Variants in PPIL4 observed in about 807,000 individuals in gnomAD.
The protein encoded by PPIL4 is peptidylprolyl isomerase like 4.
In PPIL4, 50 loss-of-function variants were observed where a neutral mutation model predicts 69.1. The observed-to-expected ratio is 0.72, with a 90% CI of 0.58 to 0.92. The LOEUF is 0.92. Ranked by LOEUF, PPIL4 falls within the 40% of genes least tolerant of loss-of-function variation. PPIL4 has a pLI of 0.00. For missense variants in PPIL4, 480 were observed against 587.9 expected, an observed-to-expected ratio of 0.82 and a Z score of 1.90; for synonymous variants, 193 against 191.6, an observed-to-expected ratio of 1.01 and a Z score of -0.06.
chr6:149,523,835 A>G (rs1468958140), intron 9 of PPIL4, among the ~76,000 whole-genome samples: 2 of 152,250 alleles, frequency 1.3e-5, no homozygotes, highest in African/African-American at 4.8e-5. Context: ...CAATGATAGA[A>G]TGCTAGTGCA....
chr6:149,527,816 A>G (rs1777130654), intron 7 of PPIL4, among the ~76,000 whole-genome samples: 1 of 152,208 alleles, frequency 6.6e-6, no homozygotes, highest in African/African-American at 2.4e-5. Context: ...ATTATTTCTG[A>G]TAAGATCACC....
chr6:149,512,236 A>G lies in PPIL4; in HGVS notation c.1146T>C (p.Ser382=), dbSNP rs1460123450. The G allele has an allele frequency of 1.2e-6, 2 of 1,613,106 alleles. No homozygotes were observed. The change falls in exon 12 of 13, where the codon AGT becomes AGC. Residue 382 remains serine (S), a synonymous_variant. Coordinates refer to ENST00000253329, the MANE Select transcript of PPIL4 (RefSeq NM_139126.4). ...GATGGGTTTTCTTCTTGTGTTTTTT[A>G]CTTGTGTGTGAGTGACTTGATTTTG... is the stretch of plus-strand genomic sequence containing the variant. ...EDSKSSHSHT[S]KKHKKKTHHC...
chr6:149,514,891 C>A (rs1562257089), intron 11 of PPIL4, among the ~76,000 whole-genome samples: 1 of 151,070 alleles, frequency 6.6e-6, no homozygotes, highest in Non-Finnish European at 1.5e-5. Flanking sequence ...GGCTGGAGTA[C>A]AATGGCGCGA....
chr6:149,541,470 G>A, intron 2 of PPIL4, 39 bp from the exon 3 acceptor site: 4 of 1,532,094 alleles, frequency 2.6e-6, no homozygotes, highest in Non-Finnish European at 3.6e-6. Context: ...CACAGAGTTT[G>A]TTAGATAGTT....
chr6:149,529,239 C>A (rs1411146145), intron 7 of PPIL4, among the ~76,000 whole-genome samples: 4 of 147,224 alleles, frequency 2.7e-5, no homozygotes, highest in Admixed American at 6.8e-5. Flanking sequence ...AAAAAAAAAA[C>A]AAAAAAAAGA....
rs1041651718 is a variant in PPIL4, at chr6:149,505,836, A to C, written c.1228-132T>G. ...CAGCTTAAATGTGAACACTACCACT[A>C]ATGTCAAGAATCTTGTAAATTACAA... On this transcript the variant is annotated intron_variant, in intron 12 of 12. Coordinates refer to ENST00000253329, the MANE Select transcript of PPIL4 (RefSeq NM_139126.4). The C allele has an allele frequency of 8.7e-6, 6 of 687,174 alleles. No homozygotes were observed. In the South Asian group the frequency reaches 1.2e-4, roughly 14 times the overall value. The allele number at this position is 687,174 out of a possible 1,614,324, so 42.6% of individuals were successfully genotyped here. A position where few individuals can be genotyped will look rare whatever the true frequency, so the allele number is the denominator to read the frequency against.
intron 10 of PPIL4, among the ~76,000 whole-genome samples, chr6:149,519,408 G>A (rs1776996599): frequency 6.6e-6 from 1 of 152,090 alleles, no homozygotes; most frequent in African/African-American, 2.4e-5. Flanking sequence ...ACTGCATCAG[G>A]CCAGCAGCTC....
intron 7 of PPIL4, 46 bp from the exon 8 acceptor site, chr6:149,526,822 T>G: frequency 6.3e-7 from 1 of 1,584,150 alleles, no homozygotes; most frequent in Non-Finnish European, 8.6e-7. Context: ...CTATTTAGTT[T>G]CCATTCTAAA....
intron 7 of PPIL4, among the ~76,000 whole-genome samples, chr6:149,527,444 G>A (rs1583208846): frequency 6.6e-6 from 1 of 152,160 alleles, no homozygotes; most frequent in East Asian, 1.9e-4. Context: ...AAACAACAGA[G>A]CTGGGATTTG....
At chr6:149,534,013 G>A (rs1233954625) in intron 6 of PPIL4, among the ~76,000 whole-genome samples, 1 of 151,950 alleles carries the variant, frequency 6.6e-6, no homozygotes, top group Admixed American at 6.6e-5. Flanking sequence ...AAAATTAGCT[G>A]GGCGTGGTGG....
intron 10 of PPIL4, 60 bp downstream of exon 10, chr6:149,521,000 G>C: frequency 1.1e-6 from 1 of 889,568 alleles, no homozygotes; most frequent in Non-Finnish European, 1.8e-6. Context: ...GCAACAGAGC[G>C]AGACTCCATC....
chr6:149,506,737 G>A (rs1022800934), intron 12 of PPIL4, among the ~76,000 whole-genome samples: 3 of 152,124 alleles, frequency 2.0e-5, no homozygotes, highest in African/African-American at 7.2e-5. Context: ...TGAGACCACA[G>A]GCATGTGCCA....
At chr6:149,518,902 G>C (rs1776985922) in intron 10 of PPIL4, among the ~76,000 whole-genome samples, 1 of 152,142 alleles carries the variant, frequency 6.6e-6, no homozygotes, top group South Asian at 2.1e-4. Context: ...TCACAGAGTT[G>C]CTGGAATCAT....
chr6:149,505,331 C>T lies in PPIL4; in HGVS notation c.*122G>A. The T allele has an allele frequency of 1.2e-6, 1 of 866,746 alleles. No homozygotes were observed. Among genetic ancestry groups the T allele is most frequent in the Non-Finnish European group, 1.8e-6 (1 of 556,478 alleles). The allele number at this position is 866,746 out of a possible 1,614,324, so 53.7% of individuals were successfully genotyped here. On this transcript the variant is annotated 3_prime_UTR_variant, in exon 13 of 13. Coordinates refer to ENST00000253329, the MANE Select transcript of PPIL4 (RefSeq NM_139126.4). ...TATATAATCAGTATTAATCTAAAGA[C>T]CATAATCCTAGTATGAAAAAAATAA...
intron 11 of PPIL4, among the ~76,000 whole-genome samples, chr6:149,513,703 A>G (rs1371556889): frequency 6.6e-6 from 1 of 152,038 alleles, no homozygotes; most frequent in Non-Finnish European, 1.5e-5. Flanking sequence ...TGAAAGAAAC[A>G]AGGAGAAATA....
At chr6:149,536,094 T>C (rs1186134333) in intron 4 of PPIL4, among the ~76,000 whole-genome samples, 1 of 152,266 alleles carries the variant, frequency 6.6e-6, no homozygotes, top group African/African-American at 2.4e-5. Flanking sequence ...TATCTGTTAT[T>C]ACCATCTATA....
chr6:149,519,116 A>G (rs531761171), intron 10 of PPIL4, among the ~76,000 whole-genome samples: 1 of 152,318 alleles, frequency 6.6e-6, no homozygotes, highest in Admixed American at 6.5e-5. Flanking sequence ...AATTTATTTA[A>G]AAGTCACAAG....
intron 4 of PPIL4, among the ~76,000 whole-genome samples, chr6:149,540,450 A>C (rs1188644766): frequency 6.6e-6 from 1 of 152,166 alleles, no homozygotes; most frequent in Non-Finnish European, 1.5e-5. Context: ...CCCCGTCTCT[A>C]CTAAAAATAT....
chr6:149,505,956 C>G (rs1440595109), intron 12 of PPIL4, among the ~76,000 whole-genome samples: 1 of 152,184 alleles, frequency 6.6e-6, no homozygotes, highest in Non-Finnish European at 1.5e-5. Context: ...AAATATGGAA[C>G]TGAAATAGCT....
Sources: allele counts gnomAD v4.1 joint callset (sites outside exome capture counted in the v4.1 genomes callset), GRCh38; gene constraint gnomAD v4.1.1; transcripts MANE v1.5; gene names NCBI Gene and HGNC (gene_info 2026-07-23, HGNC 2026-07-21).